NSMCE1: variants seen among roughly 807,000 people sequenced by gnomAD.
NSMCE1 encodes non-structural maintenance of chromosomes element 1 homolog.
A neutral mutation model predicts 29.6 loss-of-function variants in NSMCE1; 18 were observed. The observed-to-expected ratio is 0.61, with a 90% CI of 0.42 to 0.90. NSMCE1 has a LOEUF of 0.90. Ranked by LOEUF, NSMCE1 falls within the 40% of genes least tolerant of loss-of-function variation. The pLI is 0.00. For missense variants in NSMCE1, 314 were observed against 343.6 expected (o/e 0.91, Z 0.68); for synonymous variants, 124 against 133.4 (o/e 0.93, Z 0.49).
chr16:27,246,739 T>G (rs544513646), intron 2 of NSMCE1, among the ~76,000 whole-genome samples: 2 of 152,182 alleles, frequency 1.3e-5, no homozygotes, highest in African/African-American at 4.8e-5. Context: ...ATCCACCTGC[T>G]GCAGCCTCCC....
At chr16:27,234,084 C>A in intron 4 of NSMCE1, 104 bp downstream of exon 4, 4 of 761,930 alleles carry the variant, frequency 5.2e-6, no homozygotes, top group Non-Finnish European at 9.4e-6. Context: ...TGGCCCATGT[C>A]CCCCCAGTGA....
intron 2 of NSMCE1, among the ~76,000 whole-genome samples, chr16:27,248,406 C>CTTTTTTTTTTTTTT (rs756697569): frequency 2.4e-5 from 2 of 84,770 alleles, no homozygotes; most frequent in Non-Finnish European, 4.4e-5. Context: ...TTTTAGTTTG[C>CTTTTTTTTTTTTTT]TTTTTTTTTT....
At chr16:27,260,035 G>T (rs1348752729) in intron 1 of NSMCE1, among the ~76,000 whole-genome samples, 1 of 152,130 alleles carries the variant, frequency 6.6e-6, no homozygotes, top group Non-Finnish European at 1.5e-5. Flanking sequence ...AGTTCAGGAA[G>T]AAAGAAAGGG....
chr16:27,242,976 T>C (rs1383384721), intron 2 of NSMCE1, among the ~76,000 whole-genome samples: 1 of 152,262 alleles, frequency 6.6e-6, no homozygotes, highest in African/African-American at 2.4e-5. Flanking sequence ...CCTGCTCAGA[T>C]TGCACTGAGC....
intron 2 of NSMCE1, among the ~76,000 whole-genome samples, chr16:27,251,163 T>A (rs1195855887): frequency 1.5e-5 from 1 of 67,454 alleles, no homozygotes; most frequent in African/African-American, 9.1e-5. Flanking sequence ...ATTTAAAATA[T>A]ATATATATAT....
At chr16:27,260,906 C>T (rs191763348) in intron 1 of NSMCE1, among the ~76,000 whole-genome samples, 37 of 147,062 alleles carry the variant, frequency 2.5e-4, no homozygotes, top group Admixed American at 8.1e-4. Context: ...GTGGCTCACA[C>T]CTATAATCCT....
At chr16:27,235,926 G>A (rs568149260) in intron 2 of NSMCE1, among the ~76,000 whole-genome samples, 35 of 152,194 alleles carry the variant, frequency 2.3e-4, no homozygotes, top group Non-Finnish European at 4.4e-4. Context: ...ACCTTTTGTC[G>A]TCATGAATCC....
At chr16:27,263,707 A>G (rs1327672902) in intron 1 of NSMCE1, among the ~76,000 whole-genome samples, 2 of 152,236 alleles carry the variant, frequency 1.3e-5, no homozygotes, top group Non-Finnish European at 2.9e-5. Flanking sequence ...TTTTTAAAAA[A>G]GCATATGATC....
At chr16:27,267,296 C>T (rs2084236313) in intron 1 of NSMCE1, among the ~76,000 whole-genome samples, 1 of 152,088 alleles carries the variant, frequency 6.6e-6, no homozygotes, top group Admixed American at 6.5e-5. Flanking sequence ...AAATCTCAGT[C>T]ATACCATTCG....
chr16:27,226,481 C>T (rs905064055), intron 6 of NSMCE1: 18 of 489,938 alleles, frequency 3.7e-5, no homozygotes, highest in Middle Eastern at 5.3e-4. Context: ...ATAAAGTAAG[C>T]GAGGGCCCTT....
At chr16:27,266,568 G>A (rs2084227516) in intron 1 of NSMCE1, 2 of 151,826 alleles carry the variant, frequency 1.3e-5, no homozygotes, top group Admixed American at 1.3e-4. Context: ...AGTGAGCCAA[G>A]ATCGCGTCAC....
At chr16:27,259,016 G>C (rs7184503) in intron 1 of NSMCE1, among the ~76,000 whole-genome samples, 12,787 of 152,074 alleles carry the variant, frequency 0.084, 1,435 homozygotes, top group African/African-American at 0.26. Context: ...TCCCAAAGTG[G>C]TGGGATTACA....
At chr16:27,227,295 C>T (rs941543708) in intron 5 of NSMCE1, among the ~76,000 whole-genome samples, 5 of 152,248 alleles carry the variant, frequency 3.3e-5, no homozygotes, top group Non-Finnish European at 7.3e-5. Flanking sequence ...AGCACTTCTG[C>T]CTCCAACTGC....
Position 27,235,173 on chromosome 16 carries a change from C to T in NSMCE1, c.258+5G>A. On this transcript the variant is annotated splice_donor_5th_base_variant and intron_variant, in intron 3 of 7. Coordinates refer to ENST00000361439, the MANE Select transcript of NSMCE1 (RefSeq NM_145080.4). ...TGCCACTAGAGGGCTCTGCCGGGCA[C>T]TCACCAACGCATAAATGGGTCTCCC... The T allele has an allele frequency of 6.2e-7, 1 of 1,613,534 alleles. No homozygotes were observed. The highest frequency in any genetic ancestry group is 8.5e-7 in the Non-Finnish European group (1 of 1,179,872).
chr16:27,229,660 T>G (rs954200784), intron 5 of NSMCE1, among the ~76,000 whole-genome samples: 3 of 152,232 alleles, frequency 2.0e-5, no homozygotes, highest in Admixed American at 6.5e-5. Context: ...CACTGCAACC[T>G]CTGCTTCCAG....
chr16:27,255,865 T>G (rs891921799), intron 2 of NSMCE1, among the ~76,000 whole-genome samples: 1 of 152,222 alleles, frequency 6.6e-6, no homozygotes, highest in African/African-American at 2.4e-5. Context: ...CCTTCACATT[T>G]TGAAAAGTAT....
rs1416295700 is a variant in NSMCE1, at chr16:27,232,789, A to AACACATC, written c.483+205_483+211dup. Among the ~76,000 whole-genome samples, 2 of 152,210 alleles carry AACACATC rather than the reference A, an allele frequency of 1.3e-5. No individual in the cohort carries two copies. Among genetic ancestry groups the AACACATC allele is most frequent in the African/African-American group, 4.8e-5 (2 of 41,434 alleles). On this transcript the variant is annotated intron_variant, in intron 5 of 7. Transcript: ENST00000361439. The surrounding 1 kb of genome is among the most constrained non-coding windows in gnomAD (Gnocchi z 4.5). Reference sequence around the variant, plus strand: ...CTGCCATTCTGGCTGTGGCATCCTGAACACATCATCTGGGTGAACGGGGAG... The same window carrying AACACATC: ...CTGCCATTCTGGCTGTGGCATCCTGAACACATCACACATCATCTGGGTGAACGGGGAG...
intron 2 of NSMCE1, among the ~76,000 whole-genome samples, chr16:27,251,211 A>AAC (rs2084032232): frequency 1.0e-5 from 1 of 97,042 alleles, no homozygotes; most frequent in Non-Finnish European, 2.1e-5. Flanking sequence ...TATATATAAA[A>AAC]CTCTGTAGAG....
chr16:27,267,426 G>A (rs1217085788), intron 1 of NSMCE1, among the ~76,000 whole-genome samples: 1 of 152,128 alleles, frequency 6.6e-6, no homozygotes, highest in Non-Finnish European at 1.5e-5. Flanking sequence ...CTGAGACTAA[G>A]AGGGCACAAG....
Sources: gnomAD v4.1 joint callset for allele counts (sites outside exome capture counted in the v4.1 genomes callset) on GRCh38, gnomAD v4.1.1 for gene constraint, Gnocchi (gnomAD v3.1) non-coding constraint, MANE v1.5 for transcripts, NCBI Gene and HGNC (gene_info 2026-07-23, HGNC 2026-07-21) for gene names.